SLIT3: variants seen among roughly 807,000 people sequenced by gnomAD.
SLIT3 encodes slit homolog 3 protein.
Under a neutral mutation model 184.0 loss-of-function variants are expected in SLIT3, and 68 were observed. The observed-to-expected ratio is 0.37, with a 90% CI of 0.30 to 0.45. SLIT3 has a LOEUF of 0.45. Ranked by LOEUF, SLIT3 falls within the 20% of genes least tolerant of loss-of-function variation. SLIT3 has a pLI of 1.00. For missense variants in SLIT3, 1,707 were observed against 2,026.0 expected (o/e 0.84, Z 3.02); for synonymous variants, 831 against 828.6 (o/e 1.00, Z -0.05).
At chr5:168,884,058 A>G (rs1272638102) in intron 4 of SLIT3, among the ~76,000 whole-genome samples, 1 of 151,904 alleles carries the variant, frequency 6.6e-6, no homozygotes, top group Non-Finnish European at 1.5e-5. Flanking sequence ...CCCAGACTGT[A>G]AGCATTCCCA....
Position 169,122,746 on chromosome 5 carries a change from T to C in SLIT3, c.413+70733A>G, listed in dbSNP as rs1274677438. ...ACCACAGGGTTATTTGGGTCTCCCATTGGTCAATGTCTATGACCGACCTTT... is the reference window on the plus strand; with the variant it reads ...ACCACAGGGTTATTTGGGTCTCCCACTGGTCAATGTCTATGACCGACCTTT... On this transcript the variant is annotated intron_variant, in intron 4 of 35. Coordinates refer to ENST00000519560, the MANE Select transcript of SLIT3 (RefSeq NM_003062.4). 4.6e-5 allele frequency among the ~76,000 whole-genome samples: 7 copies of C among 152,304 alleles called. 1 individual carries two copies. The highest frequency in any genetic ancestry group is 4.1e-4 in the South Asian group (2 of 4,822).
intron 5 of SLIT3, among the ~76,000 whole-genome samples, chr5:168,860,972 G>A (rs1759081408): frequency 6.6e-6 from 1 of 152,092 alleles, no homozygotes; most frequent in African/African-American, 2.4e-5. Context: ...TCTGTAAATG[G>A]CATTGACCTC....
chr5:169,195,878 A>T (rs1041974845), intron 3 of SLIT3, among the ~76,000 whole-genome samples: 11 of 152,202 alleles, frequency 7.2e-5, no homozygotes, highest in Non-Finnish European at 1.3e-4. Flanking sequence ...AAATTGCAGT[A>T]AAATCACATA....
Position 169,193,565 on chromosome 5 carries a change from G to C in SLIT3, c.342-15C>G. ...TGTTCAGGCGCCTAAAGAGGAAAGAGAATGGAAGGATGTCAAGGGGACATT... is the reference window on the plus strand; with the variant it reads ...TGTTCAGGCGCCTAAAGAGGAAAGACAATGGAAGGATGTCAAGGGGACATT... On this transcript the variant is annotated splice_polypyrimidine_tract_variant and intron_variant, in intron 3 of 35. Coordinates refer to ENST00000519560, the MANE Select transcript of SLIT3 (RefSeq NM_003062.4). 1 of 1,606,258 alleles carries C rather than the reference G, an allele frequency of 6.2e-7. No individual in the cohort carries two copies. Among genetic ancestry groups the C allele is most frequent in the Non-Finnish European group, 8.5e-7 (1 of 1,172,858 alleles).
chr5:168,791,865 T>C (rs1756384275), intron 10 of SLIT3: 1 of 152,242 alleles, frequency 6.6e-6, no homozygotes, highest in Non-Finnish European at 1.5e-5. Context: ...TTTGCACCCT[T>C]TGACGAACAT....
chr5:169,065,253 C>G (rs1461880246), intron 4 of SLIT3, among the ~76,000 whole-genome samples: 1 of 152,220 alleles, frequency 6.6e-6, no homozygotes, highest in Non-Finnish European at 1.5e-5. Context: ...CTCCAACTGT[C>G]TGATGAACAT....
At chr5:168,892,095 T>C (rs769493732) in intron 4 of SLIT3, among the ~76,000 whole-genome samples, 1 of 152,242 alleles carries the variant, frequency 6.6e-6, no homozygotes, top group Non-Finnish European at 1.5e-5. Flanking sequence ...CCCACGGAAA[T>C]ATATCACAAG....
chr5:168,937,780 A>G (rs1762206053), intron 4 of SLIT3, among the ~76,000 whole-genome samples: 1 of 152,124 alleles, frequency 6.6e-6, no homozygotes, highest in African/African-American at 2.4e-5. Context: ...TCTTACAGCT[A>G]TCCTGTATAT....
At chr5:169,146,655 G>A (rs1407872710) in intron 4 of SLIT3, among the ~76,000 whole-genome samples, 2 of 152,022 alleles carry the variant, frequency 1.3e-5, no homozygotes, top group African/African-American at 2.4e-5. Flanking sequence ...GCTTCTCTAA[G>A]CTCTTCCAAA....
rs1760933130 is a variant in SLIT3, at chr5:168,663,315, G to A, written c.*3139C>T. 1 of 152,266 alleles carries A rather than the reference G, an allele frequency of 6.6e-6. No homozygotes were observed. Among genetic ancestry groups the A allele is most frequent in the African/African-American group, 2.4e-5 (1 of 41,374 alleles). 9.4% of individuals were successfully genotyped at this position (152,266 alleles called of 1,614,324 possible). On this transcript the variant is annotated 3_prime_UTR_variant, in exon 36 of 36. Transcript: ENST00000519560. Reference sequence around the variant, plus strand: ...GGGATGGGGCAATGGAGGTGGGGATGGGGAAATGGAGGTTGGGAAGGGTGT... The same window carrying A: ...GGGATGGGGCAATGGAGGTGGGGATAGGGAAATGGAGGTTGGGAAGGGTGT...
At chr5:169,086,579 T>A (rs1376298966) in intron 4 of SLIT3, among the ~76,000 whole-genome samples, 1 of 152,228 alleles carries the variant, frequency 6.6e-6, no homozygotes, top group Non-Finnish European at 1.5e-5. Context: ...TTTCCTTGAC[T>A]TCACTACAGC....
In SLIT3 at chr5:168,986,329, A is replaced by G. The variant is rs531446290; in HGVS notation, c.414-102993T>C. ...AGATCGGTCAGTTTGTGAAGGAGCC[A>G]TGCACCGCACTTCCCAGTGGTGTAG... On this transcript the variant is annotated intron_variant, in intron 4 of 35. Coordinates refer to ENST00000519560, the MANE Select transcript of SLIT3 (RefSeq NM_003062.4). Among the ~76,000 whole-genome samples the G allele has an allele frequency of 5.9e-5, 9 of 152,246 alleles. No homozygotes were observed. In the East Asian group the frequency reaches 1.7e-3, roughly 30 times the overall value.
chr5:168,992,307 T>A (rs967868785), intron 4 of SLIT3, among the ~76,000 whole-genome samples: 1 of 152,192 alleles, frequency 6.6e-6, no homozygotes, highest in African/African-American at 2.4e-5. Flanking sequence ...GGCAGCCTTA[T>A]GAATGGGGAG....
At position 168,937,720 on chromosome 5, in the gene SLIT3, A is replaced by G. The variant is rs140523125; in HGVS notation, c.414-54384T>C. Among the ~76,000 whole-genome samples, 1,052 of 152,242 alleles carry G rather than the reference A, an allele frequency of 6.9e-3. 14 individuals carry two copies. The highest frequency in any genetic ancestry group is 0.024 in the African/African-American group (998 of 41,528). ...CTGATTCGCTGCATGACTTCGGGTG[A>G]GCCACATAGCTCTTCATGCACCTCA... On this transcript the variant is annotated intron_variant, in intron 4 of 35. Coordinates refer to ENST00000519560, the MANE Select transcript of SLIT3 (RefSeq NM_003062.4).
chr5:169,115,302 G>A (rs966312298), intron 4 of SLIT3, among the ~76,000 whole-genome samples: 4 of 152,180 alleles, frequency 2.6e-5, no homozygotes, highest in African/African-American at 7.2e-5. Context: ...CACAGGGATT[G>A]GGAAACAGGT....
At chr5:168,749,983 T>C (rs1293744138) in intron 18 of SLIT3, among the ~76,000 whole-genome samples, 1 of 152,174 alleles carries the variant, frequency 6.6e-6, no homozygotes, top group Non-Finnish European at 1.5e-5. Flanking sequence ...TCTCATTCTT[T>C]AGTCCTTGGC....
chr5:169,158,010 C>T (rs1580998788), intron 4 of SLIT3, among the ~76,000 whole-genome samples: 2 of 149,484 alleles, frequency 1.3e-5, no homozygotes, highest in East Asian at 3.9e-4. Context: ...CTTGTATAAT[C>T]AGATATCAAA....
chr5:168,672,037 C>T (rs1050116959), intron 33 of SLIT3, among the ~76,000 whole-genome samples: 2 of 152,200 alleles, frequency 1.3e-5, no homozygotes, highest in African/African-American at 4.8e-5. Flanking sequence ...TCAGGATCTT[C>T]AAGAGACTGT....
chr5:169,229,983 T>G (rs1052598674), intron 3 of SLIT3, among the ~76,000 whole-genome samples: 1 of 152,196 alleles, frequency 6.6e-6, no homozygotes, highest in Non-Finnish European at 1.5e-5. Context: ...GATGTGAATC[T>G]GCTCTTCCTT....
Sources: gnomAD v4.1 joint callset for allele counts (sites outside exome capture counted in the v4.1 genomes callset) on GRCh38, gnomAD v4.1.1 for gene constraint, MANE v1.5 for transcripts, NCBI Gene and HGNC (gene_info 2026-07-23, HGNC 2026-07-21) for gene names.